Variants in MALRD1 observed in about 807,000 individuals in gnomAD.
MALRD1 encodes the protein MAM and LDL receptor class A domain containing 1.
MALRD1 carries 247 observed loss-of-function variants against 242.1 expected under a neutral mutation model. That is an observed-to-expected ratio of 1.02 (90% CI 0.92 to 1.13). The LOEUF is 1.13. Among genes scored for constraint, MALRD1 ranks in the 50% most tolerant of loss-of-function variants. MALRD1 has a pLI of 0.00. For synonymous variants in MALRD1, 995 were observed against 866.6 expected, an observed-to-expected ratio of 1.15 and a Z score of -2.60; for missense variants, 2,989 against 2,533.1, an observed-to-expected ratio of 1.18 and a Z score of -3.86.
chr10:19,513,425 C>CT (rs34441106), intron 31 of MALRD1, among the ~76,000 whole-genome samples: 9,826 of 139,572 alleles, frequency 0.07, 417 homozygotes, highest in South Asian at 0.16. Context: ...AAATAAATCT[C>CT]TTTTTTTTTT....
chr10:19,378,931 C>G (rs1467217845), intron 26 of MALRD1, among the ~76,000 whole-genome samples: 2 of 152,016 alleles, frequency 1.3e-5, no homozygotes, highest in African/African-American at 4.8e-5. Flanking sequence ...CCAAATTTTG[C>G]CCTAGAGTCT....
intron 32 of MALRD1, among the ~76,000 whole-genome samples, chr10:19,566,094 T>C (rs1285431839): frequency 6.6e-6 from 1 of 151,978 alleles, no homozygotes; most frequent in East Asian, 1.9e-4. Context: ...ATGACTGTTA[T>C]TCTTTCCTTT....
At chr10:19,140,283 T>C (rs922536043) in intron 10 of MALRD1, among the ~76,000 whole-genome samples, 8 of 152,188 alleles carry the variant, frequency 5.3e-5, no homozygotes, top group Non-Finnish European at 8.8e-5. Context: ...GCTCATATGC[T>C]GTAGTGGTTA....
At chr10:19,313,961 G>C (rs1370850461) in intron 21 of MALRD1, among the ~76,000 whole-genome samples, 1 of 151,450 alleles carries the variant, frequency 6.6e-6, no homozygotes, top group African/African-American at 2.4e-5. Flanking sequence ...GACTAGGAAA[G>C]AGAAATCTAA....
intron 28 of MALRD1, among the ~76,000 whole-genome samples, chr10:19,431,183 A>G (rs1434133726): frequency 2.0e-5 from 3 of 152,038 alleles, no homozygotes; most frequent in Non-Finnish European, 2.9e-5. Flanking sequence ...CAGTAAACCA[A>G]TTTTTATCCC....
chr10:19,554,889 T>C (rs865833379), intron 32 of MALRD1, among the ~76,000 whole-genome samples: 8 of 152,186 alleles, frequency 5.3e-5, no homozygotes, highest in Non-Finnish European at 8.8e-5. Flanking sequence ...GAATGATTTA[T>C]ATTCCTTTGG....
At chr10:19,277,234 T>G (rs996249887) in intron 19 of MALRD1, among the ~76,000 whole-genome samples, 1 of 152,132 alleles carries the variant, frequency 6.6e-6, no homozygotes, top group Non-Finnish European at 1.5e-5. Context: ...TGAGAAAATA[T>G]TTCTTATCCC....
At chr10:19,721,378 G>A (rs1340069908) in intron 38 of MALRD1, among the ~76,000 whole-genome samples, 1 of 151,986 alleles carries the variant, frequency 6.6e-6, no homozygotes, top group Non-Finnish European at 1.5e-5. Flanking sequence ...TACTTCTGTG[G>A]GACAACTCAG....
At chr10:19,285,368 G>A (rs1194208453) in intron 21 of MALRD1, among the ~76,000 whole-genome samples, 1 of 143,946 alleles carries the variant, frequency 6.9e-6, no homozygotes, top group Non-Finnish European at 1.5e-5. Flanking sequence ...TTTTCTTCTA[G>A]GGTTTTTATG....
intron 7 of MALRD1, among the ~76,000 whole-genome samples, chr10:19,125,561 G>A (rs758053597): frequency 2.0e-5 from 3 of 149,806 alleles, no homozygotes; most frequent in Non-Finnish European, 4.4e-5. Flanking sequence ...TCTTGGAGGG[G>A]TGAGTATTGT....
rs10616221 is a variant in MALRD1, at chr10:19,352,310, C to CTG, written c.4441+26_4441+27dup. The CTG allele has an allele frequency of 6.5e-6, 10 of 1,537,244 alleles. No homozygotes were observed. In the East Asian group the frequency reaches 1.5e-4, roughly 23 times the overall value. On this transcript the variant is annotated intron_variant, in intron 26 of 39. Transcript: ENST00000454679. ...CCTCTTCCAACAGGTACATTCTAAT[C>CTG]TGTGTGTGTGTGTGGTATTTTTGCA... is the stretch of plus-strand genomic sequence containing the variant.
Position 19,548,403 on chromosome 10 carries a change from A to G in MALRD1, c.5478+17052A>G, listed in dbSNP as rs1034444819. Among the ~76,000 whole-genome samples the G allele has an allele frequency of 2.0e-5, 3 of 151,992 alleles. No homozygotes were observed. In the South Asian group the frequency reaches 6.2e-4, roughly 31 times the overall value. Reference sequence around the variant, plus strand: ...CCTTTTTTTCTAAAGTGGACATAATATTTTTGCCTATTAAATTAGTTATCT... The same window carrying G: ...CCTTTTTTTCTAAAGTGGACATAATGTTTTTGCCTATTAAATTAGTTATCT... On this transcript the variant is annotated intron_variant, in intron 32 of 39. Coordinates refer to ENST00000454679, the MANE Select transcript of MALRD1 (RefSeq NM_001142308.3).
At chr10:19,284,297 T>C (rs551549561) in intron 21 of MALRD1, among the ~76,000 whole-genome samples, 21 of 151,928 alleles carry the variant, frequency 1.4e-4, no homozygotes, top group Admixed American at 3.9e-4. Context: ...CATGTGCACA[T>C]TGTGCAGGTT....
At chr10:19,171,781 A>AC (rs1221491322) in intron 13 of MALRD1, among the ~76,000 whole-genome samples, 1 of 144,720 alleles carries the variant, frequency 6.9e-6, no homozygotes, top group East Asian at 2.0e-4. Context: ...TGATATATAT[A>AC]TCATATATAC....
At chr10:19,301,758 G>A (rs981516992) in intron 21 of MALRD1, among the ~76,000 whole-genome samples, 1 of 151,606 alleles carries the variant, frequency 6.6e-6, no homozygotes, top group Admixed American at 6.6e-5. Context: ...CTACCTGTTG[G>A]GTACTATGCT....
At chr10:19,462,728 TAATAG>T (rs748423343) in intron 29 of MALRD1, among the ~76,000 whole-genome samples, 2 of 152,352 alleles carry the variant, frequency 1.3e-5, no homozygotes, top group East Asian at 3.9e-4. Flanking sequence ...TTGATTATTC[TAATAG>T]ATGGCTAGTC....
At chr10:19,095,192 A>T (rs982677418) in intron 4 of MALRD1, among the ~76,000 whole-genome samples, 1 of 152,208 alleles carries the variant, frequency 6.6e-6, no homozygotes, top group African/African-American at 2.4e-5. Flanking sequence ...GCCTAAGAGG[A>T]AAAGAATGGC....
chr10:19,103,935 T>G, intron 4 of MALRD1, 44 bp from the exon 5 acceptor site: 2 of 1,124,520 alleles, frequency 1.8e-6, no homozygotes, highest in Non-Finnish European at 2.3e-6. Flanking sequence ...TGATGTTCCT[T>G]GCTTTATGTT....
intron 21 of MALRD1, among the ~76,000 whole-genome samples, chr10:19,293,292 G>T (rs948202832): frequency 6.7e-6 from 1 of 149,658 alleles, no homozygotes; most frequent in Non-Finnish European, 1.5e-5. Context: ...ATATTTTTTT[G>T]CCAAGACACC....
Sources: allele counts gnomAD v4.1 joint callset (sites outside exome capture counted in the v4.1 genomes callset), GRCh38; gene constraint gnomAD v4.1.1; transcripts MANE v1.5; gene names NCBI Gene and HGNC (gene_info 2026-07-23, HGNC 2026-07-21).